The following GPBP1L1 variants were observed in gnomAD, a reference collection of about 807,000 sequenced individuals.
GPBP1L1 encodes GC-rich promoter binding protein 1 like 1.
GPBP1L1 carries 23 observed loss-of-function variants against 52.5 expected under a neutral mutation model. The ratio of observed to expected loss-of-function variants is 0.44; its 90% CI spans 0.32 to 0.62. The LOEUF (loss-of-function observed/expected upper bound fraction) is 0.62. GPBP1L1 is among the 20% of genes least tolerant of loss of function. The probability of loss-of-function intolerance (pLI) is 0.06; values close to 1 mark genes in which losing one functional copy is unlikely to be tolerated. For missense variants in GPBP1L1, 596 were observed against 579.3 expected (o/e 1.03, Z -0.30); for synonymous variants, 243 against 203.1 (o/e 1.20, Z -1.67).
intron 2 of GPBP1L1, among the ~76,000 whole-genome samples, chr1:45,679,769 T>C (rs1645189971): frequency 6.6e-6 from 1 of 151,774 alleles, no homozygotes; most frequent in African/African-American, 2.4e-5. Context: ...AAAGTAATTT[T>C]AGGCAAGGCA....
chr1:45,673,599 C>T (rs926416023), intron 2 of GPBP1L1, among the ~76,000 whole-genome samples: 18 of 152,298 alleles, frequency 1.2e-4, no homozygotes, highest in African/African-American at 7.2e-5. Flanking sequence ...CGGTGGCTCA[C>T]GCCTGTAATC....
At chr1:45,640,065 A>C in intron 8 of GPBP1L1, 145 bp downstream of exon 8, 3 of 523,926 alleles carry the variant, frequency 5.7e-6, no homozygotes, top group Middle Eastern at 4.7e-4. Context: ...AAAAAAAAAA[A>C]GCAAAGAAAG....
rs1644483487 is a variant in GPBP1L1 at position 45,628,283 on chromosome 1, T to G, written c.1398A>C (p.Glu466Asp). 7 of 1,614,068 alleles carry G rather than the reference T, an allele frequency of 4.3e-6. No homozygotes were observed. The highest frequency in any genetic ancestry group is 5.1e-6 in the Non-Finnish European group (6 of 1,180,036). The change falls in exon 13 of 13, where the codon GAA (glutamate) becomes GAC (aspartate). Residue 466 changes from glutamate (E) to aspartate (D), a missense_variant. Physicochemically the swap from Glu to Asp is conservative, Grantham distance 45. Coordinates refer to ENST00000355105, the MANE Select transcript of GPBP1L1 (RefSeq NM_021639.5). ...ACTTCCAGGCATCGTCATCTGATGT[T>G]TCACTGCTACTGGTTTCGGTGTCTG... ...EDSDTETSSS[E>D]TSDDDAWK
intron 6 of GPBP1L1, chr1:45,645,734 G>T: frequency 2.9e-6 from 1 of 339,362 alleles, no homozygotes; most frequent in Non-Finnish European, 5.5e-6. Context: ...TAGTTCTCAG[G>T]AAAAGTCTTG....
At chr1:45,652,199 C>T (rs997639063) in intron 6 of GPBP1L1, among the ~76,000 whole-genome samples, 1 of 152,218 alleles carries the variant, frequency 6.6e-6, no homozygotes, top group Non-Finnish European at 1.5e-5. Flanking sequence ...TGCCAAATAT[C>T]CCCCAGCGGG....
At chr1:45,664,668 TTTTTG>T (rs141979663) in intron 2 of GPBP1L1, among the ~76,000 whole-genome samples, 43,194 of 151,460 alleles carry the variant, frequency 0.29, 6,259 homozygotes, top group South Asian at 0.37. Flanking sequence ...TCTCACAGTT[TTTTTG>T]TTTTGTTTTG....
At chr1:45,672,033 CT>C (rs1298108918) in intron 2 of GPBP1L1, among the ~76,000 whole-genome samples, 1 of 152,004 alleles carries the variant, frequency 6.6e-6, no homozygotes, top group African/African-American at 2.4e-5. Context: ...AAGTTCTAAA[CT>C]TTTCTCCATA....
intron 2 of GPBP1L1, among the ~76,000 whole-genome samples, chr1:45,665,918 TG>T (rs1645005261): frequency 6.6e-6 from 1 of 152,028 alleles, no homozygotes; most frequent in Non-Finnish European, 1.5e-5. Context: ...TCCTACTGGT[TG>T]CCACTCTCTG....
intron 1 of GPBP1L1, among the ~76,000 whole-genome samples, chr1:45,686,142 A>G (rs2148533206): frequency 6.6e-6 from 1 of 152,352 alleles, no homozygotes; most frequent in Non-Finnish European, 1.5e-5. Context: ...TTCCGACCCG[A>G]CGACCGAAGT....
chr1:45,649,900 G>A (rs1173914732), intron 6 of GPBP1L1, among the ~76,000 whole-genome samples: 1 of 151,968 alleles, frequency 6.6e-6, no homozygotes, highest in Admixed American at 6.6e-5. Context: ...GGCTGTTCTG[G>A]AATTTCATAT....
At chr1:45,650,782 T>C (rs978616219) in intron 6 of GPBP1L1, among the ~76,000 whole-genome samples, 80 of 152,302 alleles carry the variant, frequency 5.3e-4, no homozygotes, top group African/African-American at 1.8e-3. Flanking sequence ...TTCTTTCCAA[T>C]GTATTACTCT....
intron 2 of GPBP1L1, among the ~76,000 whole-genome samples, chr1:45,667,350 T>C (rs1645022596): frequency 1.3e-5 from 2 of 152,212 alleles, no homozygotes; most frequent in South Asian, 4.1e-4. Flanking sequence ...ATCCAACCAT[T>C]CATTCATAAA....
intron 2 of GPBP1L1, among the ~76,000 whole-genome samples, chr1:45,664,655 G>A (rs1351334703): frequency 1.4e-5 from 2 of 147,980 alleles, no homozygotes; most frequent in Admixed American, 6.9e-5. Flanking sequence ...CTGAGCTCAA[G>A]CATCTCACAG....
At chr1:45,682,025 A>C (rs1431126450) in intron 2 of GPBP1L1, among the ~76,000 whole-genome samples, 1 of 152,202 alleles carries the variant, frequency 6.6e-6, no homozygotes, top group Non-Finnish European at 1.5e-5. Flanking sequence ...GTAAGGAATA[A>C]TAAGATTACA....
At chr1:45,666,854 A>G (rs1274888515) in intron 2 of GPBP1L1, among the ~76,000 whole-genome samples, 1 of 152,242 alleles carries the variant, frequency 6.6e-6, no homozygotes, top group Non-Finnish European at 1.5e-5. Context: ...ACCACAGGCT[A>G]TTATTCAGCT....
intron 9 of GPBP1L1, 81 bp downstream of exon 9, chr1:45,634,015 G>T (rs535253505): frequency 3.9e-5 from 53 of 1,352,596 alleles, no homozygotes; most frequent in Non-Finnish European, 5.2e-5. Flanking sequence ...AAGTGTCACA[G>T]CTATACATAT....
At chr1:45,676,710 CAAAAAAAAA>C (rs1189531708) in intron 2 of GPBP1L1, among the ~76,000 whole-genome samples, 1 of 63,264 alleles carries the variant, frequency 1.6e-5, no homozygotes, top group Non-Finnish European at 3.3e-5. Context: ...AACTCTGTCT[CAAAAAAAAA>C]AAAAAAAAAA....
intron 6 of GPBP1L1, among the ~76,000 whole-genome samples, chr1:45,652,361 T>C (rs1471758818): frequency 6.6e-6 from 1 of 152,234 alleles, no homozygotes; most frequent in Non-Finnish European, 1.5e-5. Flanking sequence ...AGAATGTTTG[T>C]ATCATTCCCA....
intron 6 of GPBP1L1, among the ~76,000 whole-genome samples, chr1:45,652,538 T>C (rs889989316): frequency 2.6e-5 from 4 of 152,214 alleles, no homozygotes; most frequent in Admixed American, 1.3e-4. Context: ...ATCAAAACTA[T>C]TGGGGATTCA....
Sources: allele counts gnomAD v4.1 joint callset (sites outside exome capture counted in the v4.1 genomes callset), GRCh38; gene constraint gnomAD v4.1.1; transcripts MANE v1.5; gene names NCBI Gene and HGNC (gene_info 2026-07-23, HGNC 2026-07-21).